Variants in PGPEP1 observed in about 807,000 individuals in gnomAD.
PGPEP1 encodes pyroglutamyl-peptidase I.
In PGPEP1, 15 loss-of-function variants were observed where a neutral mutation model predicts 24.1. The ratio of observed to expected loss-of-function variants is 0.62; its 90% CI spans 0.42 to 0.96. The LOEUF (loss-of-function observed/expected upper bound fraction) is 0.96. Among genes scored for constraint, PGPEP1 ranks in the 40% least tolerant of loss-of-function variants. The pLI is 0.00. For missense variants in PGPEP1, 242 were observed against 273.4 expected (o/e 0.89, Z 0.81); for synonymous variants, 122 against 116.4 (o/e 1.05, Z -0.31).
intron 4 of PGPEP1, among the ~76,000 whole-genome samples, chr19:18,358,253 C>CTTTTTTT (rs58979840): frequency 6.2e-5 from 4 of 64,482 alleles, no homozygotes; most frequent in African/African-American, 1.2e-4. Context: ...TCCAGTATGA[C>CTTTTTTT]TTTTTTTTTT....
intron 3 of PGPEP1, 48 bp downstream of exon 3, chr19:18,356,059 G>GGA (rs1971177922): frequency 8.5e-7 from 1 of 1,180,966 alleles, no homozygotes; most frequent in Admixed American, 1.7e-5. Context: ...CTTACAGGTT[G>GGA]GCACCCTTCA....
chr19:18,363,028 T>TG (rs1971388727), intron 4 of PGPEP1, among the ~76,000 whole-genome samples: 3 of 137,724 alleles, frequency 2.2e-5, no homozygotes, highest in Admixed American at 1.6e-4. Context: ...TCAAGTTTTT[T>TG]TTGTTTGTGT....
intron 2 of PGPEP1, 138 bp downstream of exon 2, chr19:18,343,049 GA>G (rs377016547): frequency 3.0e-6 from 2 of 661,378 alleles, no homozygotes; most frequent in African/African-American, 1.8e-5. Flanking sequence ...ACCCAGGCTG[GA>G]ATGCAATGGC....
At position 18,365,335 on chromosome 19, in the gene PGPEP1, A is replaced by G. The variant is rs989867657; in HGVS notation, c.*1752A>G. ...TAATCTTGTTGGTTTCCCAACATCT[A>G]GGTTTTTGTTTGTTTGTTTGTTTTT... On this transcript the variant is annotated 3_prime_UTR_variant, in exon 5 of 5. Transcript: ENST00000269919. The G allele has an allele frequency of 1.3e-5, 2 of 152,000 alleles. No homozygotes were observed. Among genetic ancestry groups the G allele is most frequent in the Admixed American group, 1.3e-4 (2 of 15,200 alleles). 9.4% of individuals were successfully genotyped at this position (152,000 alleles called of 1,614,324 possible).
At chr19:18,353,811 G>T (rs932288010) in intron 2 of PGPEP1, among the ~76,000 whole-genome samples, 1 of 152,170 alleles carries the variant, frequency 6.6e-6, no homozygotes, top group African/African-American at 2.4e-5. Context: ...TTGTACCACG[G>T]ATCAGTGCTT....
chr19:18,357,370 T>C lies in PGPEP1; in HGVS notation c.205-13T>C. On this transcript the variant is annotated splice_polypyrimidine_tract_variant and intron_variant, in intron 3 of 4. Transcript: ENST00000269919. Reference sequence around the variant, plus strand: ...GGCAGGCCATGTTAAGTCCTGCCCCTGTCTGTGTGCAGCTGGTGGTGCATG... The same window carrying C: ...GGCAGGCCATGTTAAGTCCTGCCCCCGTCTGTGTGCAGCTGGTGGTGCATG... 2 of 1,608,234 alleles carry C rather than the reference T, an allele frequency of 1.2e-6. No homozygotes were observed. Among genetic ancestry groups the C allele is most frequent in the Non-Finnish European group, 1.7e-6 (2 of 1,175,714 alleles).
chr19:18,357,329 CCCTCTGAGTCCCACGGGCAGG>C (rs1971211238), intron 3 of PGPEP1, 33 bp from the exon 4 acceptor site: 1 of 1,376,028 alleles, frequency 7.3e-7, no homozygotes, highest in African/African-American at 1.4e-5. Flanking sequence ...TCAGGGGGAC[CCCTCTGAGTCCCACGGGCAGG>C]CCATGTTAAG....
In PGPEP1 at chr19:18,363,447, C is replaced by A. The variant is rs771517091; in HGVS notation, c.494C>A (p.Ala165Asp). ...TTGTACCAGAGTCACGGTCGATCAG[C>A]CTTCGTCCACGTGCCCCCACTGGGG... ...TSLYQSHGRS[A>D]FVHVPPLGKP... is the part of the protein sequence containing the mutation. Residue 165 changes from alanine (A) to aspartate (D), a missense_variant, in exon 5 of 5, where the codon GCC (alanine) becomes GAC (aspartate). By Grantham distance (126) the Ala-to-Asp change is moderately radical. Transcript: ENST00000269919. The A allele has an allele frequency of 1.9e-6, 3 of 1,614,126 alleles. No individual in the cohort carries two copies. Among genetic ancestry groups the A allele is most frequent in the East Asian group, 2.2e-5 (1 of 44,882 alleles).
At chr19:18,348,396 G>A (rs894811292) in intron 2 of PGPEP1, among the ~76,000 whole-genome samples, 2 of 152,174 alleles carry the variant, frequency 1.3e-5, no homozygotes, top group Non-Finnish European at 2.9e-5. Flanking sequence ...TCGGTCAGAC[G>A]AGGCTGCGCG....
intron 2 of PGPEP1, among the ~76,000 whole-genome samples, chr19:18,345,687 C>A (rs2144532246): frequency 7.0e-6 from 1 of 143,694 alleles, no homozygotes; most frequent in South Asian, 2.2e-4. Context: ...CATAGTATCA[C>A]TGCACTCTAG....
rs1971617753 is a variant in PGPEP1 at position 18,368,479 on chromosome 19, G to A, written c.*4896G>A. 6.6e-6 allele frequency: 1 copy of A among 151,692 alleles called. No individual in the cohort carries two copies. Among genetic ancestry groups the A allele is most frequent in the Admixed American group, 6.6e-5 (1 of 15,156 alleles). The allele number at this position is 151,692 out of a possible 1,614,324, so 9.4% of individuals were successfully genotyped here. On this transcript the variant is annotated 3_prime_UTR_variant, in exon 5 of 5. Coordinates refer to ENST00000269919, the MANE Select transcript of PGPEP1 (RefSeq NM_017712.4). ...AAAGAATTCCCTGCTCTGCTTTTCT[G>A]CTCGTTGCTGGCATAGAAACATCTA...
chr19:18,366,010 T>C lies in PGPEP1; in HGVS notation c.*2427T>C, dbSNP rs934799867. On this transcript the variant is annotated 3_prime_UTR_variant, in exon 5 of 5. Transcript: ENST00000269919. ...CCAGAGTGTGGGAGACATCACTGCA[T>C]CTGTCCCCCCAGCTTCTGTGAAGGG... 3.9e-5 allele frequency: 6 copies of C among 152,110 alleles called. No individual in the cohort carries two copies. The highest frequency in any genetic ancestry group is 5.9e-5 in the Non-Finnish European group (4 of 68,034). The allele number at this position is 152,110 out of a possible 1,614,324, so 9.4% of individuals were successfully genotyped here. A position where few individuals can be genotyped will look rare whatever the true frequency, so the allele number is the denominator to read the frequency against.
chr19:18,347,543 C>G (rs553792377), intron 2 of PGPEP1, among the ~76,000 whole-genome samples: 4 of 151,302 alleles, frequency 2.6e-5, no homozygotes, highest in Non-Finnish European at 5.9e-5. Context: ...TCTCTGTCTC[C>G]TTGTTTCTTT....
At chr19:18,357,699 C>A in intron 4 of PGPEP1, 84 bp downstream of exon 4, 1 of 988,570 alleles carries the variant, frequency 1.0e-6, no homozygotes, top group East Asian at 2.6e-5. Context: ...AGCGTGTTGA[C>A]CTTGGCCTCT....
At chr19:18,363,223 T>G (rs979688530) in intron 4 of PGPEP1, among the ~76,000 whole-genome samples, 168 bp from the exon 5 acceptor site, 5 of 151,972 alleles carry the variant, frequency 3.3e-5, no homozygotes, top group African/African-American at 7.2e-5. Context: ...CTCTGGTGAT[T>G]TTTTTTCATC....
chr19:18,361,530 C>T (rs777958939), intron 4 of PGPEP1, among the ~76,000 whole-genome samples: 9 of 152,122 alleles, frequency 5.9e-5, no homozygotes, highest in Non-Finnish European at 8.8e-5. Context: ...AGGGATCCTC[C>T]CACTTCAGCC....
intron 4 of PGPEP1, among the ~76,000 whole-genome samples, chr19:18,362,250 C>G (rs906830597): frequency 6.6e-6 from 1 of 151,256 alleles, no homozygotes; most frequent in African/African-American, 2.4e-5. Context: ...CTACTAAAAA[C>G]ATAAAAATTA....
chr19:18,363,465 C>A lies in PGPEP1; in HGVS notation c.512C>A (p.Pro171Gln). Residue 171 changes from proline to glutamine, a missense_variant, in exon 5 of 5, where the codon CCA becomes CAA. Pro to Gln is a moderately conservative substitution (Grantham distance 76). Transcript: ENST00000269919. ...HGRSAFVHVP[P>Q]LGKPYNADQL... ...CGATCAGCCTTCGTCCACGTGCCCC[C>A]ACTGGGGAAGCCGTACAACGCGGAC... 1 of 1,614,170 alleles carries A rather than the reference C, an allele frequency of 6.2e-7. No homozygotes were observed. The highest frequency in any genetic ancestry group is 2.2e-5 in the East Asian group (1 of 44,884).
chr19:18,362,957 T>C (rs1971385637), intron 4 of PGPEP1, among the ~76,000 whole-genome samples: 1 of 151,936 alleles, frequency 6.6e-6, no homozygotes, highest in Non-Finnish European at 1.5e-5. Context: ...CCAGCGTGCC[T>C]TCCCACCAGC....
Sources: allele counts gnomAD v4.1 joint callset (sites outside exome capture counted in the v4.1 genomes callset), GRCh38; gene constraint gnomAD v4.1.1; transcripts MANE v1.5; gene names NCBI Gene and HGNC (gene_info 2026-07-23, HGNC 2026-07-21).